Variants in GRM4 observed in about 807,000 individuals in gnomAD.
The protein encoded by GRM4 is metabotropic glutamate receptor 4.
In GRM4, 28 loss-of-function variants were observed where a neutral mutation model predicts 81.7. That is an observed-to-expected ratio of 0.34 (90% CI 0.25 to 0.47). The LOEUF (loss-of-function observed/expected upper bound fraction) is 0.47, where lower values mean the gene tolerates loss of function less well. Ranked by LOEUF, GRM4 falls within the 20% of genes least tolerant of loss-of-function variation. The probability of loss-of-function intolerance (pLI) is 1.00; values close to 1 mark genes in which losing one functional copy is unlikely to be tolerated. For missense variants in GRM4, 948 were observed against 1,290.0 expected, an observed-to-expected ratio of 0.73 and a Z score of 4.06; for synonymous variants, 488 against 528.8, an observed-to-expected ratio of 0.92 and a Z score of 1.06.
chr6:34,098,843 C>G (rs1440441860), intron 2 of GRM4, among the ~76,000 whole-genome samples: 1 of 152,214 alleles, frequency 6.6e-6, no homozygotes, highest in Non-Finnish European at 1.5e-5. Context: ...AGTGCAGCCT[C>G]CCCTACAGCG....
intron 6 of GRM4, among the ~76,000 whole-genome samples, chr6:34,043,060 T>C (rs1469314888): frequency 6.6e-6 from 1 of 152,110 alleles, no homozygotes; most frequent in Non-Finnish European, 1.5e-5. Flanking sequence ...CTGCCCCCGC[T>C]GCCATTTTAA....
chr6:34,117,008 G>A (rs912879791), intron 2 of GRM4, among the ~76,000 whole-genome samples: 14 of 152,230 alleles, frequency 9.2e-5, no homozygotes, highest in African/African-American at 3.4e-4. Context: ...TATCCTTGGG[G>A]AGGAAAGGAT....
chr6:34,028,525 C>A (rs1764253740), intron 9 of GRM4, among the ~76,000 whole-genome samples, 159 bp from the exon 10 acceptor site: 1 of 152,206 alleles, frequency 6.6e-6, no homozygotes, highest in Non-Finnish European at 1.5e-5. Context: ...TTTCTGCATT[C>A]AAATCTTGGC....
At chr6:34,054,531 C>G (rs1188650588) in intron 6 of GRM4, 1 of 152,412 alleles carries the variant, frequency 6.6e-6, no homozygotes, top group African/African-American at 2.4e-5. Flanking sequence ...TCAGACCAAA[C>G]GCCTCCCTTA....
intron 2 of GRM4, among the ~76,000 whole-genome samples, chr6:34,132,287 C>T (rs1770274710): frequency 6.6e-6 from 1 of 152,102 alleles, no homozygotes; most frequent in Non-Finnish European, 1.5e-5. Context: ...GCACCAGAAA[C>T]AGAGACCGCC....
chr6:34,123,585 C>G (rs1017224635), intron 2 of GRM4, among the ~76,000 whole-genome samples: 2 of 152,334 alleles, frequency 1.3e-5, no homozygotes, highest in Admixed American at 1.3e-4. Flanking sequence ...CCAACTGCCA[C>G]ATGCCGCCTC....
At position 34,114,985 on chromosome 6, in the gene GRM4, T is replaced by C. The variant is rs1235617871; in HGVS notation, c.519+17993A>G. ...GAAGCATGTCCATTAAGAGAAGCCT[T>C]TCCTCCAGGTTGCCAGCATCTCAGG... On this transcript the variant is annotated intron_variant, in intron 2 of 10. Coordinates refer to ENST00000538487, the MANE Select transcript of GRM4 (RefSeq NM_000841.4). The surrounding 1 kb of genome is among the most constrained non-coding windows in gnomAD (Gnocchi z 4.3). Among the ~76,000 whole-genome samples the C allele has an allele frequency of 2.6e-5, 4 of 152,216 alleles. No homozygotes were observed. Among genetic ancestry groups the C allele is most frequent in the Non-Finnish European group, 5.9e-5 (4 of 68,044 alleles).
At position 34,089,890 on chromosome 6, in the gene GRM4, C is replaced by A. The variant is rs2127485014; in HGVS notation, c.736+1993G>T. Among the ~76,000 whole-genome samples the A allele has an allele frequency of 6.6e-6, 1 of 152,256 alleles. No homozygotes were observed. The highest frequency in any genetic ancestry group is 1.9e-4 in the East Asian group (1 of 5,180). ...TGTCCCTGTCATACCCTAGCACTTG[C>A]ACAGGGGCTGGCCCATGTGGGTCTC... On this transcript the variant is annotated intron_variant, in intron 3 of 10. Transcript: ENST00000538487. The surrounding 1 kb of genome is among the most constrained non-coding windows in gnomAD (Gnocchi z 4.3).
rs75485775 is a variant in GRM4, at chr6:34,029,844, G to A, written c.2443-1478C>T. ...AGCCAAGGCACTGACACTCCTCAAA[G>A]TGCAGCCTCCAGGCTGGCGTGGCCC... On this transcript the variant is annotated intron_variant, in intron 9 of 10. Transcript: ENST00000538487. Among the ~76,000 whole-genome samples, 693 of 152,362 alleles carry A rather than the reference G, an allele frequency of 4.5e-3. 26 individuals are homozygous for A. The highest frequency in any genetic ancestry group is 0.037 in the Admixed American group (559 of 15,304).
At chr6:34,125,207 T>G (rs1769976327) in intron 2 of GRM4, among the ~76,000 whole-genome samples, 1 of 152,174 alleles carries the variant, frequency 6.6e-6, no homozygotes, top group Non-Finnish European at 1.5e-5. Flanking sequence ...TCTCCTGACC[T>G]CGTGATCCGC....
In GRM4 at chr6:34,152,823, A is replaced by G. The variant is rs182574820; in HGVS notation, c.312+2256T>C. On this transcript the variant is annotated intron_variant, in intron 1 of 8. Transcript: ENST00000374177. The surrounding 1 kb of genome is among the most constrained non-coding windows in gnomAD (Gnocchi z 4.1). ...GGGTATGAGGCCCCCACAATGGAAGACAAGGGGGACAGGCAGGAGCAAGGT... is the reference window on the plus strand; with the variant it reads ...GGGTATGAGGCCCCCACAATGGAAGGCAAGGGGGACAGGCAGGAGCAAGGT... 2.0e-5 allele frequency among the ~76,000 whole-genome samples: 3 copies of G among 151,914 alleles called. No homozygotes were observed. Among genetic ancestry groups the G allele is most frequent in the African/African-American group, 7.2e-5 (3 of 41,408 alleles).
At position 34,048,266 on chromosome 6, in the gene GRM4, G is replaced by A. The variant is rs777553064; in HGVS notation, c.1169-7518C>T. Among the ~76,000 whole-genome samples, 5 of 152,178 alleles carry A rather than the reference G, an allele frequency of 3.3e-5. No individual in the cohort carries two copies. The highest frequency in any genetic ancestry group is 7.3e-5 in the Non-Finnish European group (5 of 68,034). ...CTTGCTGGGCCTGGCAAGTCACTTAGCATCTATGAGCTTCAGGCCCCTCGT... is the reference window on the plus strand; with the variant it reads ...CTTGCTGGGCCTGGCAAGTCACTTAACATCTATGAGCTTCAGGCCCCTCGT... On this transcript the variant is annotated intron_variant, in intron 6 of 10. Transcript: ENST00000538487. This position sits in a 1 kb window ranked among gnomAD's most constrained non-coding sequence, Gnocchi z 4.0.
chr6:34,022,536 C>G lies in GRM4; in HGVS notation c.*285G>C. The G allele has an allele frequency of 2.0e-6, 1 of 504,648 alleles. No homozygotes were observed. The highest frequency in any genetic ancestry group is 3.6e-6 in the Non-Finnish European group (1 of 278,666). 31.3% of individuals were successfully genotyped at this position (504,648 alleles called of 1,614,324 possible). A position where few individuals can be genotyped will look rare whatever the true frequency, so the allele number is the denominator to read the frequency against. On this transcript the variant is annotated 3_prime_UTR_variant, in exon 11 of 11. Coordinates refer to ENST00000538487, the MANE Select transcript of GRM4 (RefSeq NM_000841.4). This position sits in a 1 kb window ranked among gnomAD's most constrained non-coding sequence, Gnocchi z 5.6. ...GGGAGAGATCTAGCACTGGGGCCCA[C>G]ACGACCTGAGCCCCTGTGGTTTGGG...
intron 3 of GRM4, among the ~76,000 whole-genome samples, chr6:34,071,928 GCACA>G (rs1561791195): frequency 1.1e-4 from 1 of 9,056 alleles, no homozygotes; most frequent in Non-Finnish European, 2.8e-4. Flanking sequence ...CAGATACACA[GCACA>G]CACAGACACA....
intron 3 of GRM4, among the ~76,000 whole-genome samples, chr6:34,073,693 G>A (rs1240602581): frequency 6.6e-6 from 1 of 151,646 alleles, no homozygotes; most frequent in Non-Finnish European, 1.5e-5. Flanking sequence ...GTCACCGCAC[G>A]TGAACAAAGC....
rs953177271 is a variant in GRM4 at position 34,080,246 on chromosome 6, G to A, written c.736+11637C>T. On this transcript the variant is annotated intron_variant, in intron 3 of 10. Coordinates refer to ENST00000538487, the MANE Select transcript of GRM4 (RefSeq NM_000841.4). The surrounding 1 kb of genome is among the most constrained non-coding windows in gnomAD (Gnocchi z 5.4). ...AAGCCAGGGTGAGGACCGAAAGGCC[G>A]TCAACCTTGCAGGGAAGAGTCTCCC... 6.6e-6 allele frequency among the ~76,000 whole-genome samples: 1 copy of A among 152,196 alleles called. No individual in the cohort carries two copies. Among genetic ancestry groups the A allele is most frequent in the African/African-American group, 2.4e-5 (1 of 41,448 alleles).
chr6:34,088,755 G>A (rs919010377), intron 3 of GRM4, among the ~76,000 whole-genome samples: 4 of 152,182 alleles, frequency 2.6e-5, no homozygotes, highest in Non-Finnish European at 4.4e-5. Flanking sequence ...CTAGCCCACG[G>A]GTGTTTCACC....
intron 3 of GRM4, chr6:34,062,330 G>A (rs558853681): frequency 2.3e-4 from 70 of 308,054 alleles, no homozygotes; most frequent in African/African-American, 1.2e-3. Context: ...GACTGCCTGG[G>A]TTCAAATCTC....
At chr6:34,058,653 C>T (rs1766021992) in intron 5 of GRM4, among the ~76,000 whole-genome samples, 2 of 152,188 alleles carry the variant, frequency 1.3e-5, no homozygotes, top group Admixed American at 6.5e-5. Context: ...CAGGCAGACT[C>T]TTCAGGAAAG....
Sources: gnomAD v4.1 joint callset for allele counts (sites outside exome capture counted in the v4.1 genomes callset) on GRCh38, gnomAD v4.1.1 for gene constraint, Gnocchi (gnomAD v3.1) non-coding constraint, MANE v1.5 for transcripts, NCBI Gene and HGNC (gene_info 2026-07-23, HGNC 2026-07-21) for gene names.